RBFOX1: variants seen among roughly 807,000 people sequenced by gnomAD.
The protein encoded by RBFOX1 is RNA binding fox-1 homolog 1, also known as RNA binding protein fox-1 homolog 1.
A neutral mutation model predicts 57.7 loss-of-function variants in RBFOX1; 8 were observed. That is an observed-to-expected ratio of 0.14 (90% CI 0.08 to 0.25). RBFOX1 has a LOEUF of 0.25. Among genes scored for constraint, RBFOX1 ranks in the 10% least tolerant of loss-of-function variants. The pLI is 1.00. For missense variants in RBFOX1, 611 were observed against 548.5 expected (o/e 1.11, Z -1.14); for synonymous variants, 326 against 222.4 (o/e 1.47, Z -4.15).
At chr16:6,175,178 C>T (rs565352886) in intron 1 of RBFOX1, among the ~76,000 whole-genome samples, 1 of 152,252 alleles carries the variant, frequency 6.6e-6, no homozygotes, top group Non-Finnish European at 1.5e-5. Flanking sequence ...TATTCATATT[C>T]ATAAGCAAAT....
chr16:7,142,004 CCTT>C (rs968897904), intron 4 of RBFOX1, among the ~76,000 whole-genome samples: 5 of 101,696 alleles, frequency 4.9e-5, no homozygotes, highest in African/African-American at 1.1e-4. Flanking sequence ...TCTTCTTCCT[CCTT>C]CTTCTTCCTT....
intron 1 of RBFOX1, among the ~76,000 whole-genome samples, chr16:6,235,996 C>T (rs1028358009): frequency 1.3e-5 from 2 of 151,862 alleles, no homozygotes; most frequent in African/African-American, 4.8e-5. Flanking sequence ...TCCCCAATAA[C>T]CTATGGAAAT....
At chr16:6,720,010 C>G (rs534997868) in intron 3 of RBFOX1, among the ~76,000 whole-genome samples, 5 of 152,048 alleles carry the variant, frequency 3.3e-5, no homozygotes, top group Non-Finnish European at 5.9e-5. Context: ...AGGAGAATCG[C>G]TTGAACCTGG....
intron 5 of RBFOX1, among the ~76,000 whole-genome samples, chr16:7,541,383 C>G (rs2082886536): frequency 6.6e-6 from 1 of 152,188 alleles, no homozygotes; most frequent in African/African-American, 2.4e-5. Context: ...CCAGAAGGAG[C>G]TCCACTGATA....
intron 4 of RBFOX1, among the ~76,000 whole-genome samples, chr16:7,446,374 G>C (rs4786169): frequency 3.3e-5 from 5 of 151,968 alleles, no homozygotes; most frequent in Admixed American, 2.6e-4. Context: ...TTCAGAAGTT[G>C]AGGAGAAGTA....
intron 1 of RBFOX1, among the ~76,000 whole-genome samples, chr16:6,254,261 T>C (rs1002053579): frequency 1.3e-5 from 2 of 152,196 alleles, no homozygotes; most frequent in African/African-American, 4.8e-5. Flanking sequence ...ACTAAACAGA[T>C]GTATTCAGGG....
intron 2 of RBFOX1, among the ~76,000 whole-genome samples, chr16:5,472,312 C>T (rs577491144): frequency 6.6e-6 from 1 of 152,216 alleles, no homozygotes; most frequent in African/African-American, 2.4e-5. Flanking sequence ...GTTCCAGGCA[C>T]CTTACAAATG....
intron 3 of RBFOX1, among the ~76,000 whole-genome samples, chr16:7,015,093 A>G (rs996452204): frequency 6.6e-5 from 10 of 152,184 alleles, no homozygotes; most frequent in Admixed American, 6.5e-4. Flanking sequence ...ATGGAATAGC[A>G]TAAACTTGGG....
intron 4 of RBFOX1, among the ~76,000 whole-genome samples, chr16:5,876,090 G>A (rs1465267801): frequency 3.3e-5 from 5 of 152,022 alleles, no homozygotes; most frequent in African/African-American, 9.7e-5. Context: ...TGATCCACCC[G>A]CCTTGGCCTC....
chr16:6,150,000 G>A (rs760049687), intron 1 of RBFOX1, among the ~76,000 whole-genome samples: 4 of 152,198 alleles, frequency 2.6e-5, no homozygotes, highest in African/African-American at 7.2e-5. Flanking sequence ...CAAAATCATA[G>A]CTCCTGAAAT....
intron 1 of RBFOX1, among the ~76,000 whole-genome samples, chr16:5,352,462 T>G (rs192907130): frequency 1.5e-4 from 23 of 152,324 alleles, no homozygotes; most frequent in African/African-American, 5.3e-4. Flanking sequence ...ACATTTTCTT[T>G]CGTTGGCTTT....
intron 4 of RBFOX1, among the ~76,000 whole-genome samples, chr16:7,100,525 T>G (rs2062497151): frequency 6.6e-6 from 1 of 151,768 alleles, no homozygotes; most frequent in Non-Finnish European, 1.5e-5. Flanking sequence ...CATTTTCTAG[T>G]GTTACTGATG....
At chr16:5,961,371 A>C (rs145104607) in intron 4 of RBFOX1, among the ~76,000 whole-genome samples, 1 of 152,150 alleles carries the variant, frequency 6.6e-6, no homozygotes, top group Non-Finnish European at 1.5e-5. Context: ...AAAATTACTC[A>C]ATAGCAAAGC....
chr16:7,029,073 TATATATATAC>T (rs1317046902), intron 3 of RBFOX1, among the ~76,000 whole-genome samples: 3 of 45,642 alleles, frequency 6.6e-5, no homozygotes, highest in Admixed American at 2.8e-4. Flanking sequence ...TATATATATA[TATATATATAC>T]ACACACACAC....
intron 3 of RBFOX1, among the ~76,000 whole-genome samples, chr16:5,636,025 A>G (rs1299799703): frequency 6.6e-6 from 1 of 152,118 alleles, no homozygotes; most frequent in Non-Finnish European, 1.5e-5. Context: ...TCTGGGCAAC[A>G]TAGTGGGACC....
At chr16:7,468,659 C>CACAT (rs2060973448) in intron 4 of RBFOX1, among the ~76,000 whole-genome samples, 1 of 152,234 alleles carries the variant, frequency 6.6e-6, no homozygotes, top group Admixed American at 6.5e-5. Context: ...TGCCAGAGGA[C>CACAT]ACATGCATGC....
At chr16:7,274,585 G>C (rs1405679572) in intron 4 of RBFOX1, among the ~76,000 whole-genome samples, 1 of 152,010 alleles carries the variant, frequency 6.6e-6, no homozygotes, top group African/African-American at 2.4e-5. Flanking sequence ...TCTGGAACTA[G>C]GTCTACTTAT....
At chr16:7,192,029 G>C (rs1057224341) in intron 4 of RBFOX1, among the ~76,000 whole-genome samples, 1 of 152,156 alleles carries the variant, frequency 6.6e-6, no homozygotes, top group African/African-American at 2.4e-5. Flanking sequence ...TTTTATTAGA[G>C]GGAAACAGTT....
chr16:7,081,839 A>G (rs1445584989), intron 4 of RBFOX1, among the ~76,000 whole-genome samples: 1 of 152,206 alleles, frequency 6.6e-6, no homozygotes, highest in South Asian at 2.1e-4. Flanking sequence ...TAATATGTTT[A>G]ACCATCTTCC....
Sources: allele counts gnomAD v4.1 joint callset (sites outside exome capture counted in the v4.1 genomes callset), GRCh38; gene constraint gnomAD v4.1.1; transcripts MANE v1.5; gene names NCBI Gene and HGNC (gene_info 2026-07-23, HGNC 2026-07-21).